CNTN1: variants seen among roughly 807,000 people sequenced by gnomAD.
CNTN1 encodes the protein contactin 1, also known as contactin-1.
Under a neutral mutation model 126.4 loss-of-function variants are expected in CNTN1, and 38 were observed. The ratio of observed to expected loss-of-function variants is 0.30; its 90% CI spans 0.23 to 0.39. CNTN1 has a LOEUF of 0.39. Ranked by LOEUF, CNTN1 falls within the 10% of genes least tolerant of loss-of-function variation. CNTN1 has a pLI of 1.00. For synonymous variants in CNTN1, 413 were observed against 422.6 expected (o/e 0.98, Z 0.28); for missense variants, 1,009 against 1,248.4 (o/e 0.81, Z 2.89).
At chr12:40,918,355 G>A (rs981308067) in intron 3 of CNTN1, among the ~76,000 whole-genome samples, 1 of 152,096 alleles carries the variant, frequency 6.6e-6, no homozygotes, top group Non-Finnish European at 1.5e-5. Context: ...GAAAGCATAT[G>A]CGGAGGCTCA....
At chr12:40,854,808 G>A (rs1308951465) in intron 1 of CNTN1, among the ~76,000 whole-genome samples, 2 of 152,086 alleles carry the variant, frequency 1.3e-5, no homozygotes, top group Non-Finnish European at 2.9e-5. Context: ...AAGAGCAGAT[G>A]GCGGAAGGAG....
chr12:41,051,440 C>T (rs930724636), intron 23 of CNTN1, among the ~76,000 whole-genome samples: 13 of 151,852 alleles, frequency 8.6e-5, no homozygotes, highest in Middle Eastern at 3.4e-3. Context: ...TGTGAGCCAC[C>T]GCACCCAGCC....
At chr12:40,910,884 C>T (rs565589844) in intron 3 of CNTN1, among the ~76,000 whole-genome samples, 11 of 152,212 alleles carry the variant, frequency 7.2e-5, no homozygotes, top group African/African-American at 2.6e-4. Context: ...AATGAAAAAT[C>T]ATGAAGAATC....
intron 1 of CNTN1, among the ~76,000 whole-genome samples, chr12:40,828,453 T>A (rs1246621388): frequency 6.6e-6 from 1 of 152,070 alleles, no homozygotes; most frequent in Non-Finnish European, 1.5e-5. Context: ...AAACGAGAGG[T>A]GACTTTCTAT....
chr12:40,788,332 A>G (rs1234470318), intron 1 of CNTN1, among the ~76,000 whole-genome samples: 1 of 152,116 alleles, frequency 6.6e-6, no homozygotes, highest in African/African-American at 2.4e-5. Context: ...TGCGAGCTTC[A>G]TGATACCATC....
chr12:40,844,567 A>G (rs1422394402), intron 1 of CNTN1, among the ~76,000 whole-genome samples: 1 of 152,152 alleles, frequency 6.6e-6, no homozygotes, highest in Admixed American at 6.5e-5. Context: ...TCTAAGAGTG[A>G]TATTATTTAG....
chr12:40,788,613 C>T (rs1206863726), intron 1 of CNTN1, among the ~76,000 whole-genome samples: 1 of 152,104 alleles, frequency 6.6e-6, no homozygotes, highest in Non-Finnish European at 1.5e-5. Flanking sequence ...CCCCAAATGA[C>T]CCCTTGGAAA....
rs182248652 is a variant in CNTN1, at chr12:40,760,171, C to G, written c.-77+67579C>G. ...TTGGTTTTTTGCTTTTTTTAGTTGA[C>G]AGTATAGGAAATATGTTTTGTTTTG... On this transcript the variant is annotated intron_variant, in intron 1 of 23. Transcript: ENST00000551295. 3.9e-5 allele frequency among the ~76,000 whole-genome samples: 6 copies of G among 152,058 alleles called. No homozygotes were observed. In the East Asian group the frequency reaches 1.2e-3, roughly 29 times the overall value.
chr12:40,812,711 G>A (rs1224002565), intron 1 of CNTN1, among the ~76,000 whole-genome samples: 2 of 151,970 alleles, frequency 1.3e-5, no homozygotes, highest in Non-Finnish European at 2.9e-5. Flanking sequence ...AGACCATTTT[G>A]TATATTTAGG....
chr12:40,861,510 C>T (rs1436109018), intron 1 of CNTN1, among the ~76,000 whole-genome samples: 1 of 151,826 alleles, frequency 6.6e-6, no homozygotes, highest in Non-Finnish European at 1.5e-5. Flanking sequence ...TTTTCTTTCT[C>T]TTTGATTTTT....
Position 40,861,869 on chromosome 12 carries a change from A to G in CNTN1, c.-76-46488A>G, listed in dbSNP as rs570122552. Among the ~76,000 whole-genome samples, 81 of 152,170 alleles carry G rather than the reference A, an allele frequency of 5.3e-4. 1 individual carries two copies. Among genetic ancestry groups the G allele is most frequent in the African/African-American group, 1.7e-3 (70 of 41,508 alleles). ...GCCGTCACTGTTACTGTTGTCATAC[A>G]TGGCATTTTTACTTATGTCTTAAAC... On this transcript the variant is annotated intron_variant, in intron 1 of 23. Coordinates refer to ENST00000551295, the MANE Select transcript of CNTN1 (RefSeq NM_001843.4).
Position 40,981,304 on chromosome 12 carries a change from A to G in CNTN1, c.1963+237A>G, listed in dbSNP as rs11179300. Among the ~76,000 whole-genome samples, 17,842 of 152,136 alleles carry G rather than the reference A, an allele frequency of 0.12. 1,093 individuals carry two copies. The highest frequency in any genetic ancestry group is 0.12 in the Non-Finnish European group (8,337 of 67,976). ...TCATTTCTAAATCAATATATAATGG[A>G]AAGCAAAATGAGGCCTCCTGGGTTT... On this transcript the variant is annotated intron_variant, in intron 16 of 23. Coordinates refer to ENST00000551295, the MANE Select transcript of CNTN1 (RefSeq NM_001843.4).
chr12:40,990,101 A>T (rs1413442814), intron 16 of CNTN1, among the ~76,000 whole-genome samples: 6 of 152,104 alleles, frequency 3.9e-5, no homozygotes, highest in Admixed American at 2.0e-4. Flanking sequence ...TATTCCTACT[A>T]CTTACATAGA....
At chr12:40,799,390 C>A (rs1940562242) in intron 1 of CNTN1, among the ~76,000 whole-genome samples, 1 of 151,746 alleles carries the variant, frequency 6.6e-6, no homozygotes, top group African/African-American at 2.4e-5. Context: ...ATGATAAATA[C>A]TGAAATTAAA....
At chr12:40,813,864 C>T (rs1941172774) in intron 1 of CNTN1, among the ~76,000 whole-genome samples, 1 of 152,116 alleles carries the variant, frequency 6.6e-6, no homozygotes, top group African/African-American at 2.4e-5. Flanking sequence ...CTATTATGTC[C>T]TGACATTTTA....
intron 1 of CNTN1, among the ~76,000 whole-genome samples, chr12:40,785,842 TTAAC>T (rs1300183120): frequency 2.0e-5 from 3 of 152,164 alleles, no homozygotes; most frequent in Non-Finnish European, 4.4e-5. Context: ...AGATCTCACA[TTAAC>T]TAACTGAGGG....
At chr12:41,052,520 T>A (rs1949711459) in intron 23 of CNTN1, among the ~76,000 whole-genome samples, 1 of 152,188 alleles carries the variant, frequency 6.6e-6, no homozygotes. Flanking sequence ...TTTTGTATCA[T>A]GTTTCCTAAC....
At chr12:40,739,047 A>G (rs1937820516) in intron 1 of CNTN1, among the ~76,000 whole-genome samples, 1 of 152,008 alleles carries the variant, frequency 6.6e-6, no homozygotes, top group Admixed American at 6.6e-5. Context: ...TGCACTACAA[A>G]CCAGTTAAAT....
At chr12:40,761,518 G>A (rs1938864981) in intron 1 of CNTN1, among the ~76,000 whole-genome samples, 1 of 151,960 alleles carries the variant, frequency 6.6e-6, no homozygotes, top group Admixed American at 6.6e-5. Flanking sequence ...TGGACATGTG[G>A]CATTAAAACA....
Sources: gnomAD v4.1 joint callset for allele counts (sites outside exome capture counted in the v4.1 genomes callset) on GRCh38, gnomAD v4.1.1 for gene constraint, MANE v1.5 for transcripts, NCBI Gene and HGNC (gene_info 2026-07-23, HGNC 2026-07-21) for gene names.